Variants in GALNT18 observed in about 807,000 individuals in gnomAD.
GALNT18 encodes polypeptide N-acetylgalactosaminyltransferase 18, also known as GalNAc-transferase 18.
Under a neutral mutation model 69.5 loss-of-function variants are expected in GALNT18, and 44 were observed. The observed-to-expected ratio is 0.63, with a 90% CI of 0.50 to 0.81. The LOEUF is 0.81. Ranked by LOEUF, GALNT18 falls within the 40% of genes least tolerant of loss-of-function variation. The probability of loss-of-function intolerance (pLI) is 0.00; values close to 1 mark genes in which losing one functional copy is unlikely to be tolerated. For missense variants in GALNT18, 715 were observed against 810.0 expected, an observed-to-expected ratio of 0.88 and a Z score of 1.42; for synonymous variants, 364 against 318.2, an observed-to-expected ratio of 1.14 and a Z score of -1.53.
At position 11,601,144 on chromosome 11, in the gene GALNT18, T is replaced by C. The variant is rs1479901441; in HGVS notation, c.235+20215A>G. On this transcript the variant is annotated intron_variant, in intron 1 of 10. Transcript: ENST00000227756. This position sits in a 1 kb window ranked among gnomAD's most constrained non-coding sequence, Gnocchi z 4.0. ...TGGTAAGTCTCACATCCAGGTCCCC[T>C]GAAAGACAATTTCTATGATCTGCTT... 1.3e-5 allele frequency among the ~76,000 whole-genome samples: 2 copies of C among 152,232 alleles called. No individual in the cohort carries two copies. Among genetic ancestry groups the C allele is most frequent in the African/African-American group, 2.4e-5 (1 of 41,470 alleles).
At chr11:11,416,119 G>A (rs1854851102) in intron 3 of GALNT18, among the ~76,000 whole-genome samples, 1 of 152,202 alleles carries the variant, frequency 6.6e-6, no homozygotes, top group Admixed American at 6.5e-5. Context: ...ACACAGTCCA[G>A]AGGAAGTGGG....
chr11:11,547,571 T>C (rs1858088023), intron 1 of GALNT18, among the ~76,000 whole-genome samples: 1 of 152,128 alleles, frequency 6.6e-6, no homozygotes, highest in Non-Finnish European at 1.5e-5. Flanking sequence ...AAGCCCCTCT[T>C]TGATACCCAT....
Position 11,604,245 on chromosome 11 carries a change from T to C in GALNT18, c.235+17114A>G, listed in dbSNP as rs2133950470. Among the ~76,000 whole-genome samples the C allele has an allele frequency of 6.6e-6, 1 of 152,246 alleles. No homozygotes were observed. Among genetic ancestry groups the C allele is most frequent in the South Asian group, 2.1e-4 (1 of 4,816 alleles). ...CTTTTCAAAGATTGTGTTGGTTTGG[T>C]TAGTAAGTTAAAAATCCATTAAGAG... On this transcript the variant is annotated intron_variant, in intron 1 of 10. Coordinates refer to ENST00000227756, the MANE Select transcript of GALNT18 (RefSeq NM_198516.3). The surrounding 1 kb of genome is among the most constrained non-coding windows in gnomAD (Gnocchi z 5.6).
At chr11:11,299,358 C>T (rs766764178) in intron 9 of GALNT18, among the ~76,000 whole-genome samples, 53 of 152,134 alleles carry the variant, frequency 3.5e-4, no homozygotes, top group Non-Finnish European at 5.9e-4. Flanking sequence ...GTTGGCCAGG[C>T]TGGTCTCGAA....
At chr11:11,597,108 A>G (rs1487259125) in intron 1 of GALNT18, among the ~76,000 whole-genome samples, 1 of 152,132 alleles carries the variant, frequency 6.6e-6, no homozygotes, top group African/African-American at 2.4e-5. Flanking sequence ...TAATTTTTAG[A>G]TGTTAAACCA....
intron 10 of GALNT18, among the ~76,000 whole-genome samples, chr11:11,273,420 T>A (rs775486215): frequency 4.6e-5 from 7 of 152,168 alleles, no homozygotes; most frequent in Admixed American, 4.6e-4. Context: ...AAAAGACTTA[T>A]AAATGGCAAA....
At chr11:11,502,871 G>A (rs764664065) in intron 1 of GALNT18, among the ~76,000 whole-genome samples, 7 of 152,142 alleles carry the variant, frequency 4.6e-5, no homozygotes, top group Non-Finnish European at 7.3e-5. Context: ...CGAATGAAGG[G>A]CACTTTCCAG....
chr11:11,271,089 G>A lies in GALNT18; in HGVS notation c.*55C>T, dbSNP rs967732477. On this transcript the variant is annotated 3_prime_UTR_variant, in exon 11 of 11. Coordinates refer to ENST00000227756, the MANE Select transcript of GALNT18 (RefSeq NM_198516.3). ...CAACCCCACGTGGACAGCAGGCAAC[G>A]TTGCAGCAGGTGCTACACAGTAGCA... 29 of 1,544,472 alleles carry A rather than the reference G, an allele frequency of 1.9e-5. No homozygotes were observed. The Admixed American group carries it at 2.4e-4, about 13-fold the overall frequency.
At chr11:11,447,108 T>C (rs1347241638) in intron 2 of GALNT18, among the ~76,000 whole-genome samples, 2 of 152,156 alleles carry the variant, frequency 1.3e-5, no homozygotes, top group African/African-American at 2.4e-5. Flanking sequence ...ACACACCCCA[T>C]TCCAGCCACA....
At chr11:11,362,823 G>T (rs77422043) in intron 6 of GALNT18, among the ~76,000 whole-genome samples, 6 of 152,080 alleles carry the variant, frequency 3.9e-5, no homozygotes, top group South Asian at 4.1e-4. Flanking sequence ...CTTTGACTTC[G>T]CAATTCCATT....
In GALNT18 at chr11:11,463,988, C is replaced by T. The variant is rs569000906; in HGVS notation, c.236-15052G>A. Among the ~76,000 whole-genome samples, 3 of 152,280 alleles carry T rather than the reference C, an allele frequency of 2.0e-5. No individual in the cohort carries two copies. The highest frequency in any genetic ancestry group is 3.9e-4 in the East Asian group (2 of 5,174). On this transcript the variant is annotated intron_variant, in intron 1 of 10. Coordinates refer to ENST00000227756, the MANE Select transcript of GALNT18 (RefSeq NM_198516.3). This position sits in a 1 kb window ranked among gnomAD's most constrained non-coding sequence, Gnocchi z 4.2. ...CAACCCAGTCTTGCTCTGTGAGCAC[C>T]TGAAGCAGAGGAAGGAGGCAGTCCC...
In GALNT18 at chr11:11,542,472, T is replaced by C. The variant is rs894283436; in HGVS notation, c.235+78887A>G. Among the ~76,000 whole-genome samples the C allele has an allele frequency of 6.6e-6, 1 of 152,234 alleles. No homozygotes were observed. The highest frequency in any genetic ancestry group is 2.4e-5 in the African/African-American group (1 of 41,470). ...AGTGCTGGCACATGCAATTCTTCAA[T>C]GAATGAATGAAGAAATCATCACGTG... On this transcript the variant is annotated intron_variant, in intron 1 of 10. Coordinates refer to ENST00000227756, the MANE Select transcript of GALNT18 (RefSeq NM_198516.3). The surrounding 1 kb of genome is among the most constrained non-coding windows in gnomAD (Gnocchi z 4.3).
rs1012212169 is a variant in GALNT18, at chr11:11,332,944, G to A, written c.1279-113C>T. The A allele has an allele frequency of 1.0e-5, 12 of 1,146,806 alleles. No individual in the cohort carries two copies. In the African/African-American group the frequency reaches 1.8e-4, roughly 17 times the overall value. 71.0% of individuals were successfully genotyped at this position (1,146,806 alleles called of 1,614,324 possible). Reference sequence around the variant, plus strand: ...AACAAGATTCCTAGAGACTGGGGAAGGGACCATGTGGCACGTTAACTCTTG... The same window carrying A: ...AACAAGATTCCTAGAGACTGGGGAAAGGACCATGTGGCACGTTAACTCTTG... On this transcript the variant is annotated intron_variant, in intron 7 of 10. Transcript: ENST00000227756. The surrounding 1 kb of genome is among the most constrained non-coding windows in gnomAD (Gnocchi z 4.3).
intron 3 of GALNT18, among the ~76,000 whole-genome samples, chr11:11,408,538 A>AG (rs1854647916): frequency 6.6e-6 from 1 of 152,136 alleles, no homozygotes; most frequent in Non-Finnish European, 1.5e-5. Context: ...GCCTTCCAAG[A>AG]GTCGCCGTCT....
At chr11:11,420,324 C>A (rs766911957) in intron 3 of GALNT18, among the ~76,000 whole-genome samples, 5 of 152,136 alleles carry the variant, frequency 3.3e-5, no homozygotes, top group Non-Finnish European at 7.4e-5. Flanking sequence ...CACCATCCAA[C>A]AAGGAGGTGC....
chr11:11,501,244 G>A (rs1025437303), intron 1 of GALNT18, among the ~76,000 whole-genome samples: 2 of 152,126 alleles, frequency 1.3e-5, no homozygotes, highest in African/African-American at 2.4e-5. Flanking sequence ...CAGCACCCTC[G>A]TGGTTTGTGT....
At position 11,457,188 on chromosome 11, in the gene GALNT18, T is replaced by C. The variant is rs529039420; in HGVS notation, c.236-8252A>G. The stretch of plus-strand genomic sequence containing the variant: ...GGCCCCACTGGCTCGTGCTCCAAGA[T>C]TGTGGTGGTACTGAGACTGCACAAT... On this transcript the variant is annotated intron_variant, in intron 1 of 10. Transcript: ENST00000227756. Among the ~76,000 whole-genome samples, 6 of 152,268 alleles carry C rather than the reference T, an allele frequency of 3.9e-5. No individual in the cohort carries two copies. The East Asian group carries it at 5.8e-4, about 15-fold the overall frequency.
chr11:11,554,107 T>A (rs4910016), intron 1 of GALNT18, among the ~76,000 whole-genome samples: 71,084 of 152,054 alleles, frequency 0.47, 19,260 homozygotes, highest in Non-Finnish European at 0.6. Flanking sequence ...TGGTCACCAC[T>A]CCCTCCGCTG....
intron 3 of GALNT18, among the ~76,000 whole-genome samples, chr11:11,423,865 C>T (rs1189527955): frequency 6.6e-6 from 1 of 152,230 alleles, no homozygotes; most frequent in Non-Finnish European, 1.5e-5. Flanking sequence ...GTCCATACCA[C>T]CATCATATGG....
Sources: allele counts gnomAD v4.1 joint callset (sites outside exome capture counted in the v4.1 genomes callset), GRCh38; gene constraint gnomAD v4.1.1; non-coding constraint Gnocchi (gnomAD v3.1); transcripts MANE v1.5; gene names NCBI Gene and HGNC (gene_info 2026-07-23, HGNC 2026-07-21).